The following AAK1 variants were observed in gnomAD, a reference collection of about 807,000 sequenced individuals.
AAK1 encodes the protein AP2 associated kinase 1.
A neutral mutation model predicts 116.0 loss-of-function variants in AAK1; 37 were observed. That is an observed-to-expected ratio of 0.32 (90% CI 0.25 to 0.42). The LOEUF (loss-of-function observed/expected upper bound fraction) is 0.42, where lower values mean the gene tolerates loss of function less well. Among genes scored for constraint, AAK1 ranks in the 10% least tolerant of loss-of-function variants. The pLI is 1.00. For missense variants in AAK1, 919 were observed against 1,170.6 expected (o/e 0.79, Z 3.14); for synonymous variants, 458 against 439.9 (o/e 1.04, Z -0.51).
intron 2 of AAK1, among the ~76,000 whole-genome samples, chr2:69,607,456 CT>C (rs1282235566): frequency 2.6e-5 from 4 of 152,266 alleles, no homozygotes; most frequent in African/African-American, 7.2e-5. Flanking sequence ...ATCTCTTCTA[CT>C]TTTCTTTCCC....
At chr2:69,568,001 T>C (rs1046690519) in intron 2 of AAK1, among the ~76,000 whole-genome samples, 13 of 152,142 alleles carry the variant, frequency 8.5e-5, no homozygotes, top group African/African-American at 3.1e-4. Flanking sequence ...ATCCCTCTAA[T>C]CCACCGGGGC....
chr2:69,495,721 A>C (rs1168938110), intron 17 of AAK1, among the ~76,000 whole-genome samples: 2 of 152,140 alleles, frequency 1.3e-5, no homozygotes, highest in Non-Finnish European at 2.9e-5. Context: ...CCATTAACAC[A>C]ATCAAGGATG....
chr2:69,470,333 GA>G lies in AAK1; in HGVS notation c.*5535del. Reference sequence around the variant, plus strand: ...AGAACTTGGAAATGCAGCAGCAATTGAAACGTAAAATTTTAGAACCAAACTG... The same window carrying G: ...AGAACTTGGAAATGCAGCAGCAATTGAACGTAAAATTTTAGAACCAAACTG... On this transcript the variant is annotated 3_prime_UTR_variant, in exon 22 of 22. Transcript: ENST00000409085. The G allele has an allele frequency of 1.0e-6, 1 of 985,396 alleles. No individual in the cohort carries two copies. Among genetic ancestry groups the G allele is most frequent in the Non-Finnish European group, 1.2e-6 (1 of 829,912 alleles). The allele number at this position is 985,396 out of a possible 1,614,324, so 61.0% of individuals were successfully genotyped here.
In AAK1 at chr2:69,553,443, T is replaced by G. The variant is rs1056753659; in HGVS notation, c.282+3417A>C. 5.3e-4 allele frequency among the ~76,000 whole-genome samples: 72 copies of G among 134,854 alleles called. 1 individual carries two copies. The highest frequency in any genetic ancestry group is 1.5e-3 in the South Asian group (6 of 3,994). 88.5% of individuals were successfully genotyped at this position (134,854 alleles called of 152,430 possible). On this transcript the variant is annotated intron_variant, in intron 3 of 21. Coordinates refer to ENST00000409085, the MANE Select transcript of AAK1 (RefSeq NM_014911.5). ...ACTTCTAGAATTGAAAGTTGTTTTT[T>G]TTTTTTTTTTTTTTTTTTTGAGACG...
intron 5 of AAK1, among the ~76,000 whole-genome samples, chr2:69,532,640 T>C (rs1460262812): frequency 1.3e-5 from 2 of 152,230 alleles, no homozygotes; most frequent in Non-Finnish European, 1.5e-5. Flanking sequence ...TCTTTCCCTA[T>C]TGTCCTTCAG....
At chr2:69,542,188 A>G (rs1670750108) in intron 5 of AAK1, among the ~76,000 whole-genome samples, 2 of 152,258 alleles carry the variant, frequency 1.3e-5, no homozygotes, top group South Asian at 4.1e-4. Context: ...ATAAGACTTT[A>G]AAAACCAAGC....
Position 69,565,766 on chromosome 2 carries a change from G to A in AAK1, c.164-8788C>T, listed in dbSNP as rs185399396. 1.8e-3 allele frequency among the ~76,000 whole-genome samples: 271 copies of A among 152,246 alleles called. 2 individuals carry two copies. The highest frequency in any genetic ancestry group is 5.9e-3 in the African/African-American group (247 of 41,540). ...CAGGTGGCAGAGTATCCTCTCCACG[G>A]TAAGAACCTGGGTGCACTATTCAGG... On this transcript the variant is annotated intron_variant, in intron 2 of 21. Coordinates refer to ENST00000409085, the MANE Select transcript of AAK1 (RefSeq NM_014911.5).
chr2:69,552,800 T>C (rs1373423915), intron 3 of AAK1, among the ~76,000 whole-genome samples: 1 of 151,642 alleles, frequency 6.6e-6, no homozygotes, highest in African/African-American at 2.4e-5. Context: ...AATTGAGAGC[T>C]AGGCAAAGAT....
intron 14 of AAK1, among the ~76,000 whole-genome samples, chr2:69,508,782 A>AG (rs1676284080): frequency 6.6e-6 from 1 of 152,220 alleles, no homozygotes; most frequent in African/African-American, 2.4e-5. Flanking sequence ...CAGGAGGAAC[A>AG]AAGGGCTCGG....
intron 2 of AAK1, among the ~76,000 whole-genome samples, chr2:69,595,938 G>T (rs1673260331): frequency 6.6e-6 from 1 of 152,190 alleles, no homozygotes; most frequent in Non-Finnish European, 1.5e-5. Context: ...AAATCCTAGG[G>T]CACTTAAGAG....
chr2:69,549,234 T>C (rs533109857), intron 3 of AAK1, among the ~76,000 whole-genome samples: 2 of 152,232 alleles, frequency 1.3e-5, no homozygotes, highest in East Asian at 3.9e-4. Flanking sequence ...CCAGGCGTGG[T>C]GGCATGCGCC....
chr2:69,595,359 G>A lies in AAK1; in HGVS notation c.164-38381C>T, dbSNP rs191664250. ...TCGAACTCATGACCTCAAGTGATCC[G>A]TCCACCTCGGCCTCCCAAAGTGTTG... On this transcript the variant is annotated intron_variant, in intron 2 of 21. Transcript: ENST00000409085. Among the ~76,000 whole-genome samples, 400 of 152,254 alleles carry A rather than the reference G, an allele frequency of 2.6e-3. 4 individuals carry two copies. The highest frequency in any genetic ancestry group is 5.6e-3 in the African/African-American group (231 of 41,548).
At chr2:69,641,683 G>C (rs1039444914) in intron 2 of AAK1, among the ~76,000 whole-genome samples, 1 of 152,110 alleles carries the variant, frequency 6.6e-6, no homozygotes. Context: ...CCACCCACCA[G>C]CCCGCAACAT....
At chr2:69,509,566 A>C in intron 13 of AAK1, 106 bp from the exon 14 acceptor site, 3 of 934,370 alleles carry the variant, frequency 3.2e-6, no homozygotes, top group Non-Finnish European at 4.8e-6. Context: ...CCACATAAGC[A>C]CTAACATGAA....
At chr2:69,488,418 G>T (rs1235565378) in intron 17 of AAK1, among the ~76,000 whole-genome samples, 8 of 151,752 alleles carry the variant, frequency 5.3e-5, no homozygotes, top group Non-Finnish European at 7.4e-5. Context: ...TTTTAGCTGG[G>T]GCCTGCAAAA....
rs573599361 is a variant in AAK1, at chr2:69,466,389, G to A, written c.*9480C>T. 25 of 1,289,726 alleles carry A rather than the reference G, an allele frequency of 1.9e-5. No individual in the cohort carries two copies. The highest frequency in any genetic ancestry group is 2.4e-5 in the Non-Finnish European group (24 of 988,888). 79.9% of individuals were successfully genotyped at this position (1,289,726 alleles called of 1,614,324 possible). The stretch of plus-strand genomic sequence containing the variant: ...GCTGCTGTGGAATGAGCTGTTGCTT[G>A]AAGGGCCATCTCTGGCCAAGTAGTC... On this transcript the variant is annotated 3_prime_UTR_variant, in exon 22 of 22. Transcript: ENST00000409085.
At chr2:69,507,280 A>T in intron 15 of AAK1, 141 bp downstream of exon 15, 1 of 1,015,112 alleles carries the variant, frequency 9.9e-7, no homozygotes, top group Non-Finnish European at 1.4e-6. Flanking sequence ...CATACTTTGA[A>T]ATCAAGCCTT....
chr2:69,628,293 T>C (rs1159908952), intron 2 of AAK1, among the ~76,000 whole-genome samples: 1 of 151,934 alleles, frequency 6.6e-6, no homozygotes, highest in Non-Finnish European at 1.5e-5. Flanking sequence ...TCTTTTTTTT[T>C]TTAATGTTTT....
At chr2:69,503,772 C>T (rs907688984) in intron 16 of AAK1, among the ~76,000 whole-genome samples, 2 of 152,150 alleles carry the variant, frequency 1.3e-5, no homozygotes, top group African/African-American at 2.4e-5. Context: ...CTGCCCACCT[C>T]GGCCTCTCAA....
Sources: gnomAD v4.1 joint callset for allele counts (sites outside exome capture counted in the v4.1 genomes callset) on GRCh38, gnomAD v4.1.1 for gene constraint, MANE v1.5 for transcripts, NCBI Gene and HGNC (gene_info 2026-07-23, HGNC 2026-07-21) for gene names.